The following HNMT variants were observed in gnomAD, a reference collection of about 807,000 sequenced individuals.
HNMT encodes the protein histamine N-methyltransferase.
In HNMT, 30 loss-of-function variants were observed where a neutral mutation model predicts 32.1. The ratio of observed to expected loss-of-function variants is 0.93; its 90% confidence interval spans 0.70 to 1.27. HNMT has a LOEUF of 1.27. HNMT is among the 50% of genes most tolerant of loss of function. The pLI is 0.00. For synonymous variants in HNMT, 125 were observed against 119.0 expected, an observed-to-expected ratio of 1.05 and a Z score of -0.33; for missense variants, 327 against 346.0, an observed-to-expected ratio of 0.95 and a Z score of 0.43.
At chr2:137,973,791 G>T (rs1680204800) in intron 2 of HNMT, among the ~76,000 whole-genome samples, 3 of 151,892 alleles carry the variant, frequency 2.0e-5, no homozygotes, top group African/African-American at 4.8e-5. Flanking sequence ...GGGGGGGGTG[G>T]TCTATTTGAT....
Position 138,016,357 on chromosome 2 carries a change from T to G in HNMT, c.*2227T>G, listed in dbSNP as rs1399253706. On this transcript the variant is annotated 3_prime_UTR_variant, in exon 6 of 6. Coordinates refer to ENST00000280097, the MANE Select transcript of HNMT (RefSeq NM_006895.3). ...AAGTTATGTGTTGCCAGTGTAAACCTTAACTTATTTAGGACTCTTTCAGAC... is the reference window on the plus strand; with the variant it reads ...AAGTTATGTGTTGCCAGTGTAAACCGTAACTTATTTAGGACTCTTTCAGAC... The G allele has an allele frequency of 6.6e-6, 1 of 152,164 alleles. No individual in the cohort carries two copies. Among genetic ancestry groups the G allele is most frequent in the Non-Finnish European group, 1.5e-5 (1 of 68,022 alleles). 9.4% of individuals were successfully genotyped at this position (152,164 alleles called of 1,614,324 possible).
At chr2:138,012,830 G>A (rs1027321409) in intron 5 of HNMT, among the ~76,000 whole-genome samples, 5 of 151,914 alleles carry the variant, frequency 3.3e-5, no homozygotes, top group African/African-American at 4.8e-5. Flanking sequence ...GTTGGATCTC[G>A]GAGTATAACA....
chr2:137,987,945 G>A (rs943222012), intron 2 of HNMT, among the ~76,000 whole-genome samples: 3 of 152,156 alleles, frequency 2.0e-5, no homozygotes, highest in African/African-American at 7.2e-5. Context: ...AAGATTACCA[G>A]CTATGAGTGG....
At chr2:138,006,097 G>A (rs1398554832) in intron 5 of HNMT, among the ~76,000 whole-genome samples, 1 of 151,884 alleles carries the variant, frequency 6.6e-6, no homozygotes, top group African/African-American at 2.4e-5. Flanking sequence ...GCAATAGAGA[G>A]CTCCTGTACA....
intron 2 of HNMT, among the ~76,000 whole-genome samples, chr2:137,974,349 A>G (rs1680223934): frequency 1.3e-5 from 2 of 152,192 alleles, no homozygotes; most frequent in Non-Finnish European, 2.9e-5. Context: ...TCTAAATCTC[A>G]TAGAACATGC....
intron 4 of HNMT, among the ~76,000 whole-genome samples, chr2:138,004,035 G>C (rs1681261078): frequency 6.6e-6 from 1 of 151,866 alleles, no homozygotes; most frequent in South Asian, 2.1e-4. Context: ...CAGCGTCTCT[G>C]CCTCTCTATT....
In HNMT at chr2:137,970,150, A is replaced by C; in HGVS notation, c.138-15A>C. 6.7e-7 allele frequency: 1 copy of C among 1,501,776 alleles called. No homozygotes were observed. The highest frequency in any genetic ancestry group is 9.2e-7 in the Non-Finnish European group (1 of 1,086,380). The allele number at this position is 1,501,776 out of a possible 1,614,324, so 93.0% of individuals were successfully genotyped here. On this transcript the variant is annotated splice_polypyrimidine_tract_variant and intron_variant, in intron 1 of 5. Coordinates refer to ENST00000280097, the MANE Select transcript of HNMT (RefSeq NM_006895.3). ...TAACACATTTTTCTAAAACTACATA[A>C]TTTTTTTCTTTCAGGATTGGAGACA...
intron 2 of HNMT, among the ~76,000 whole-genome samples, chr2:137,987,034 A>G (rs892278354): frequency 8.5e-5 from 13 of 152,212 alleles, no homozygotes; most frequent in African/African-American, 3.1e-4. Flanking sequence ...AAATACTATG[A>G]TATGTTTGAA....
chr2:137,996,977 A>C (rs1205591754), intron 2 of HNMT, among the ~76,000 whole-genome samples: 1 of 152,200 alleles, frequency 6.6e-6, no homozygotes, highest in Non-Finnish European at 1.5e-5. Flanking sequence ...ATATGCAGAA[A>C]ACTGAAACTC....
Position 138,013,993 on chromosome 2 carries a change from T to G in HNMT, c.742T>G (p.Cys248Gly). Residue 248 changes from cysteine (C) to glycine (G), a missense_variant, in exon 6 of 6, where the codon TGC (cysteine) becomes GGC (glycine). Physicochemically the swap from Cys to Gly is radical, Grantham distance 159 (BLOSUM62 -3). Coordinates refer to ENST00000280097, the MANE Select transcript of HNMT (RefSeq NM_006895.3). ...DLLWDFLTET[C>G]NFNATAPPDL... ...GCTTTGGGATTTTTTGACTGAAACCTGCAACTTTAATGCCACAGCACCACC... is the reference window on the plus strand; with the variant it reads ...GCTTTGGGATTTTTTGACTGAAACCGGCAACTTTAATGCCACAGCACCACC... The G allele has an allele frequency of 6.2e-7, 1 of 1,613,776 alleles. No individual in the cohort carries two copies.
At chr2:138,005,022 G>T in intron 4 of HNMT, 110 bp from the exon 5 acceptor site, 1 of 609,978 alleles carries the variant, frequency 1.6e-6, no homozygotes, top group South Asian at 2.4e-5. Flanking sequence ...GTGTTTTCTT[G>T]GGTAAAAATT....
intron 2 of HNMT, among the ~76,000 whole-genome samples, chr2:138,000,277 C>T (rs190887483): frequency 6.6e-6 from 1 of 152,130 alleles, no homozygotes; most frequent in Non-Finnish European, 1.5e-5. Context: ...CCCCATGAAG[C>T]ATCATCACTC....
At chr2:137,979,578 A>G (rs1460473322) in intron 2 of HNMT, among the ~76,000 whole-genome samples, 2 of 152,016 alleles carry the variant, frequency 1.3e-5, no homozygotes, top group African/African-American at 4.8e-5. Flanking sequence ...TATATTATAT[A>G]TGAAAGATTA....
chr2:137,966,608 T>G (rs1679965568), intron 1 of HNMT, among the ~76,000 whole-genome samples: 2 of 152,246 alleles, frequency 1.3e-5, no homozygotes, highest in South Asian at 4.1e-4. Context: ...TCCCTAGAGT[T>G]GACTATTGCC....
intron 2 of HNMT, among the ~76,000 whole-genome samples, chr2:137,979,929 C>T (rs1382780813): frequency 6.6e-6 from 1 of 152,114 alleles, no homozygotes; most frequent in African/African-American, 2.4e-5. Context: ...AGACCTCCGG[C>T]CTCTCCTTCA....
intron 4 of HNMT, chr2:138,002,865 A>G (rs1049142936): frequency 1.4e-6 from 1 of 694,258 alleles, no homozygotes; most frequent in African/African-American, 1.9e-5. Context: ...GTGTTTCTGT[A>G]GTGGACATAT....
At chr2:137,981,274 T>A (rs144691572) in intron 2 of HNMT, 3 of 1,613,770 alleles carry the variant, frequency 1.9e-6, no homozygotes, top group Non-Finnish European at 1.7e-6. Context: ...TCATTTTGTG[T>A]AGCACCCGTC....
chr2:138,015,521 C>T lies in HNMT; in HGVS notation c.*1391C>T, dbSNP rs1434869968. On this transcript the variant is annotated 3_prime_UTR_variant, in exon 6 of 6. Transcript: ENST00000280097. The stretch of plus-strand genomic sequence containing the variant: ...CTATTTACACTAATAAACTACCAAG[C>T]TTTGTTGTTCATAATAAGTAAAATG... The T allele has an allele frequency of 6.6e-6, 1 of 152,188 alleles. No individual in the cohort carries two copies. The highest frequency in any genetic ancestry group is 1.5e-5 in the Non-Finnish European group (1 of 68,032). 9.4% of individuals were successfully genotyped at this position (152,188 alleles called of 1,614,324 possible). A position where few individuals can be genotyped will look rare whatever the true frequency, so the allele number is the denominator to read the frequency against.
intron 4 of HNMT, among the ~76,000 whole-genome samples, chr2:138,004,386 G>A (rs1185325933): frequency 6.6e-6 from 1 of 151,996 alleles, no homozygotes; most frequent in Non-Finnish European, 1.5e-5. Context: ...ATGGAATATT[G>A]AATTCTTGTC....
Sources: gnomAD v4.1 joint callset for allele counts (sites outside exome capture counted in the v4.1 genomes callset) on GRCh38, gnomAD v4.1.1 for gene constraint, MANE v1.5 for transcripts, NCBI Gene and HGNC (gene_info 2026-07-23, HGNC 2026-07-21) for gene names.